Variants in ECE1 observed in about 807,000 individuals in gnomAD.
ECE1 encodes the protein endothelin converting enzyme 1, also known as endothelin-converting enzyme 1.
In ECE1, 35 loss-of-function variants were observed where a neutral mutation model predicts 98.6. The ratio of observed to expected loss-of-function variants is 0.35; its 90% confidence interval spans 0.27 to 0.47. The LOEUF (loss-of-function observed/expected upper bound fraction) is 0.47, where lower values mean the gene tolerates loss of function less well. ECE1 is among the 20% of genes least tolerant of loss of function. The pLI is 1.00. For synonymous variants in ECE1, 394 were observed against 407.1 expected (o/e 0.97, Z 0.39); for missense variants, 814 against 1,025.3 (o/e 0.79, Z 2.81).
At chr1:21,315,076 C>T (rs955551091) in intron 1 of ECE1, among the ~76,000 whole-genome samples, 5 of 152,192 alleles carry the variant, frequency 3.3e-5, no homozygotes, top group African/African-American at 1.2e-4. Flanking sequence ...ACTATCCAGG[C>T]ACTGTGTTAA....
At chr1:21,310,152 A>T (rs1401677120) in intron 1 of ECE1, among the ~76,000 whole-genome samples, 1 of 152,090 alleles carries the variant, frequency 6.6e-6, no homozygotes, top group African/African-American at 2.4e-5. Context: ...AGAGGGAGGG[A>T]GGGAGGATCA....
chr1:21,296,746 G>A (rs1018428867), intron 1 of ECE1, among the ~76,000 whole-genome samples: 22 of 152,094 alleles, frequency 1.4e-4, no homozygotes, highest in Admixed American at 1.3e-3. Context: ...GTTATCTCAG[G>A]GCCTCACCTC....
chr1:21,220,887 G>A lies in ECE1; in HGVS notation c.2137-756C>T, dbSNP rs998555132. ...GGGGAGTCAGGAGGGTCCCCTGAGCGGGTCAGGAAGAGACAGTGGGCTGGT... is the reference window on the plus strand; with the variant it reads ...GGGGAGTCAGGAGGGTCCCCTGAGCAGGTCAGGAAGAGACAGTGGGCTGGT... On this transcript the variant is annotated intron_variant, in intron 18 of 18. Coordinates refer to ENST00000374893, the MANE Select transcript of ECE1 (RefSeq NM_001397.3). The surrounding 1 kb of genome is among the most constrained non-coding windows in gnomAD (Gnocchi z 5.0). Among the ~76,000 whole-genome samples the A allele has an allele frequency of 1.1e-4, 16 of 152,244 alleles. No individual in the cohort carries two copies. Among genetic ancestry groups the A allele is most frequent in the Admixed American group, 5.9e-4 (9 of 15,282 alleles).
At chr1:21,304,139 C>A (rs1371613650) in intron 1 of ECE1, among the ~76,000 whole-genome samples, 1 of 150,788 alleles carries the variant, frequency 6.6e-6, no homozygotes, top group Non-Finnish European at 1.5e-5. Context: ...TACAGTGAAA[C>A]CCTGTCTCTA....
upstream of ECE1, among the ~76,000 whole-genome samples, chr1:21,292,563 C>G (rs376556389): frequency 1.2e-4 from 19 of 152,140 alleles, no homozygotes; most frequent in East Asian, 7.7e-4. Context: ...GTTTCCATGT[C>G]TTTATCATCA....
At chr1:21,302,375 G>C (rs946764997) in intron 1 of ECE1, among the ~76,000 whole-genome samples, 50 of 152,218 alleles carry the variant, frequency 3.3e-4, no homozygotes, top group Admixed American at 2.6e-4. Context: ...TGTGACCCGG[G>C]GAGTCTACCT....
In ECE1 at chr1:21,276,129, A is replaced by G. The variant is rs1467412658; in HGVS notation, c.280+3062T>C. On this transcript the variant is annotated intron_variant, in intron 3 of 18. Coordinates refer to ENST00000374893, the MANE Select transcript of ECE1 (RefSeq NM_001397.3). The stretch of plus-strand genomic sequence containing the variant: ...CAACCTCTGCCTCCTGGATTCAAGC[A>G]ATTCTCCTGCCTCAGCCTCCTGAGT... Among the ~76,000 whole-genome samples, 7 of 148,150 alleles carry G rather than the reference A, an allele frequency of 4.7e-5. No individual in the cohort carries two copies. In the Admixed American group the frequency reaches 4.8e-4, roughly 10 times the overall value.
rs1296374582 is a variant in ECE1, at chr1:21,218,468, G to A, written c.*1487C>T. The A allele has an allele frequency of 2.6e-5, 4 of 152,530 alleles. No homozygotes were observed. Among genetic ancestry groups the A allele is most frequent in the African/African-American group, 7.2e-5 (3 of 41,456 alleles). The allele number at this position is 152,530 out of a possible 1,614,324, so 9.4% of individuals were successfully genotyped here. A position where few individuals can be genotyped will look rare whatever the true frequency, so the allele number is the denominator to read the frequency against. On this transcript the variant is annotated 3_prime_UTR_variant, in exon 19 of 19. Transcript: ENST00000374893. The surrounding 1 kb of genome is among the most constrained non-coding windows in gnomAD (Gnocchi z 4.0). ...CTGTCTCCTTGGGGTGGAGACTGGC[G>A]GCTGCAGCCTCAGATAAGGCACTAG...
intron 1 of ECE1, among the ~76,000 whole-genome samples, chr1:21,306,462 G>T (rs563282327): frequency 6.6e-6 from 1 of 151,882 alleles, no homozygotes; most frequent in African/African-American, 2.4e-5. Context: ...TCGGCCTCTT[G>T]AGTAGCTGGG....
chr1:21,285,737 ATCCCAGCAC>A (rs1300326789), intron 2 of ECE1, among the ~76,000 whole-genome samples: 2 of 151,718 alleles, frequency 1.3e-5, no homozygotes, highest in East Asian at 3.9e-4. Context: ...CATGCCTGCA[ATCCCAGCAC>A]TTTGGAAGGC....
At chr1:21,224,670 G>A (rs1397315945) in intron 17 of ECE1, among the ~76,000 whole-genome samples, 2 of 152,118 alleles carry the variant, frequency 1.3e-5, no homozygotes, top group African/African-American at 4.8e-5. Flanking sequence ...TTTTTCTCTC[G>A]TGGCCTCTGT....
intron 17 of ECE1, chr1:21,222,043 G>A: frequency 1.6e-6 from 1 of 614,038 alleles, no homozygotes; most frequent in Non-Finnish European, 2.9e-6. Context: ...TCTACGCACT[G>A]ATGGCTCTCA....
intron 1 of ECE1, among the ~76,000 whole-genome samples, chr1:21,317,944 A>G (rs1370370743): frequency 6.6e-6 from 1 of 152,194 alleles, no homozygotes; most frequent in Non-Finnish European, 1.5e-5. Flanking sequence ...ATGTTCTTGA[A>G]CTTAAATCAG....
chr1:21,222,187 CAT>C (rs2098168328), intron 17 of ECE1: 1 of 336,304 alleles, frequency 3.0e-6, no homozygotes, highest in South Asian at 2.9e-5. Flanking sequence ...CACACACACA[CAT>C]ACACACAACT....
rs114592827 is a variant in ECE1, at chr1:21,259,973, C to T, written c.615+298G>A. On this transcript the variant is annotated intron_variant, in intron 5 of 18. Transcript: ENST00000374893. ...GAATATTTTCCCTCTAAACATGGCC[C>T]CCATCCCACACACAGATGCACAGAG... Among the ~76,000 whole-genome samples the T allele has an allele frequency of 9.8e-3, 1,487 of 152,270 alleles. 25 individuals are homozygous for T. Among genetic ancestry groups the T allele is most frequent in the African/African-American group, 0.033 (1,386 of 41,532 alleles).
rs760742887 is a variant in ECE1, at chr1:21,272,658, C to G, written c.493+41G>C. 5.6e-6 allele frequency: 9 copies of G among 1,611,330 alleles called. No homozygotes were observed. The South Asian group carries it at 9.9e-5, about 18-fold the overall frequency. On this transcript the variant is annotated intron_variant, in intron 4 of 18. Transcript: ENST00000374893. Reference sequence around the variant, plus strand: ...GCTGGCTGGGCCAGCTGACAGCTCCCCGCTGTGGCCCATTTATTGGTCTCC... The same window carrying G: ...GCTGGCTGGGCCAGCTGACAGCTCCGCGCTGTGGCCCATTTATTGGTCTCC...
In ECE1 at chr1:21,345,498, C is replaced by G; in HGVS notation, c.-120G>C. On this transcript the variant is annotated 5_prime_UTR_variant, in exon 1 of 19. Coordinates refer to the ECE1 transcript ENST00000415912. This position sits in a 1 kb window ranked among gnomAD's most constrained non-coding sequence, Gnocchi z 5.1. ...CGGCTCGGCTGCCTGGCCCAGGCGG[C>G]GCGCTCAGCTCCAGCGGGCGAGCTC... 1.0e-6 allele frequency: 1 copy of G among 995,872 alleles called. No individual in the cohort carries two copies. The allele number at this position is 995,872 out of a possible 1,614,324, so 61.7% of individuals were successfully genotyped here. A position where few individuals can be genotyped will look rare whatever the true frequency, so the allele number is the denominator to read the frequency against.
At position 21,310,841 on chromosome 1, in the gene ECE1, T is replaced by A. The variant is rs914158828; in HGVS notation, c.4-20685A>T. Among the ~76,000 whole-genome samples the A allele has an allele frequency of 6.6e-5, 10 of 152,124 alleles. 1 individual carries two copies. Among genetic ancestry groups the A allele is most frequent in the African/African-American group, 2.4e-4 (10 of 41,420 alleles). The stretch of plus-strand genomic sequence containing the variant: ...AAGGATCAAGGAATAGAAGGGGTTG[T>A]GTAAGGGGCCAACCAGGATGAAAAT... On this transcript the variant is annotated intron_variant, in intron 1 of 18. Transcript: ENST00000415912.
rs2098265223 is a variant in ECE1 at position 21,290,233 on chromosome 1, C to CCTGGCG, written c.52-83_52-78dup. On this transcript the variant is annotated intron_variant, in intron 1 of 18. Coordinates refer to ENST00000374893, the MANE Select transcript of ECE1 (RefSeq NM_001397.3). The surrounding 1 kb of genome is among the most constrained non-coding windows in gnomAD (Gnocchi z 7.3). ...GCCCGAATGGGGAAGCGGCCCCGAC[C>CCTGGCG]CTGGCGCCGCCGCCGCCGCGCCCCG... The CCTGGCG allele has an allele frequency of 2.1e-6, 3 of 1,402,544 alleles. No individual in the cohort carries two copies. The South Asian group carries it at 4.6e-5, about 22-fold the overall frequency. The allele number at this position is 1,402,544 out of a possible 1,614,324, so 86.9% of individuals were successfully genotyped here. A position where few individuals can be genotyped will look rare whatever the true frequency, so the allele number is the denominator to read the frequency against.
Sources: gnomAD v4.1 joint callset for allele counts (sites outside exome capture counted in the v4.1 genomes callset) on GRCh38, gnomAD v4.1.1 for gene constraint, Gnocchi (gnomAD v3.1) non-coding constraint, MANE v1.5 for transcripts, NCBI Gene and HGNC (gene_info 2026-07-23, HGNC 2026-07-21) for gene names.